GFRA1: variants seen among roughly 807,000 people sequenced by gnomAD.
GFRA1 encodes the protein GDNF family receptor alpha-1.
GFRA1 carries 16 observed loss-of-function variants against 51.6 expected under a neutral mutation model. The observed-to-expected ratio is 0.31, with a 90% CI of 0.21 to 0.47. The LOEUF (loss-of-function observed/expected upper bound fraction) is 0.47. Among genes scored for constraint, GFRA1 ranks in the 20% least tolerant of loss-of-function variants. The pLI is 1.00. For synonymous variants in GFRA1, 270 were observed against 241.3 expected (o/e 1.12, Z -1.10); for missense variants, 530 against 594.3 (o/e 0.89, Z 1.13).
chr10:116,238,874 GC>G (rs2134618670), intron 4 of GFRA1, among the ~76,000 whole-genome samples: 1 of 152,230 alleles, frequency 6.6e-6, no homozygotes, highest in East Asian at 1.9e-4. Flanking sequence ...TGGCTTATTA[GC>G]TATAGGATTA....
chr10:116,155,833 T>C (rs1233252119), intron 5 of GFRA1, among the ~76,000 whole-genome samples: 1 of 152,118 alleles, frequency 6.6e-6, no homozygotes, highest in East Asian at 1.9e-4. Flanking sequence ...GTTTATGGGC[T>C]TGGTAAAAAA....
At chr10:116,260,696 C>T (rs539117507) in intron 4 of GFRA1, among the ~76,000 whole-genome samples, 2 of 152,178 alleles carry the variant, frequency 1.3e-5, no homozygotes, top group South Asian at 2.1e-4. Context: ...ACAATAGCTG[C>T]TTTCACCCCT....
At chr10:116,113,842 G>T (rs2694813) in intron 6 of GFRA1, among the ~76,000 whole-genome samples, 25 of 152,146 alleles carry the variant, frequency 1.6e-4, no homozygotes, top group Admixed American at 3.3e-4. Flanking sequence ...CCACTTCCAA[G>T]GTTGCTGCAA....
upstream of GFRA1, among the ~76,000 whole-genome samples, chr10:116,273,840 A>G (rs1290537984): frequency 6.6e-6 from 1 of 152,086 alleles, no homozygotes; most frequent in Non-Finnish European, 1.5e-5. Context: ...TGCTTTCAAG[A>G]CACACTCAGA....
At chr10:116,091,578 A>G (rs1956336601) in intron 8 of GFRA1, among the ~76,000 whole-genome samples, 2 of 152,220 alleles carry the variant, frequency 1.3e-5, no homozygotes, top group African/African-American at 4.8e-5. Flanking sequence ...TGCATCTGTC[A>G]TGCACATGGC....
chr10:116,130,190 A>G (rs529508527), intron 5 of GFRA1, among the ~76,000 whole-genome samples: 4 of 152,014 alleles, frequency 2.6e-5, no homozygotes, highest in African/African-American at 4.8e-5. Context: ...AAATGGAAAT[A>G]TATACCATGT....
chr10:116,064,292 T>C lies in GFRA1; in HGVS notation c.*106A>G. The C allele has an allele frequency of 1.0e-6, 1 of 970,240 alleles. No homozygotes were observed. Among genetic ancestry groups the C allele is most frequent in the East Asian group, 2.6e-5 (1 of 38,794 alleles). The allele number at this position is 970,240 out of a possible 1,614,324, so 60.1% of individuals were successfully genotyped here. ...AATGTTCCAGTTGAATGGAACTGTT[T>C]CTCAACTGAGCTCCTAAACTGGAAT... On this transcript the variant is annotated 3_prime_UTR_variant, in exon 11 of 11. Transcript: ENST00000355422.
In GFRA1 at chr10:116,254,173, T is replaced by A. The variant is rs193102427; in HGVS notation, c.418+15330A>T. Among the ~76,000 whole-genome samples, 745 of 151,068 alleles carry A rather than the reference T, an allele frequency of 4.9e-3. 4 individuals are homozygous for A. Among genetic ancestry groups the A allele is most frequent in the African/African-American group, 0.017 (706 of 41,144 alleles). ...CCGTCTCTACTAAAAATAAAAAAAA[T>A]TAGCTAGGTGTGGTGGCAGGTGCCT... is the stretch of plus-strand genomic sequence containing the variant. On this transcript the variant is annotated intron_variant, in intron 4 of 10. Transcript: ENST00000355422.
intron 6 of GFRA1, among the ~76,000 whole-genome samples, chr10:116,100,315 A>G (rs1956767719): frequency 6.6e-6 from 1 of 152,230 alleles, no homozygotes; most frequent in Non-Finnish European, 1.5e-5. Context: ...ACTTCCAATC[A>G]AGCCCATTTT....
At chr10:116,259,584 G>A (rs561967700) in intron 4 of GFRA1, among the ~76,000 whole-genome samples, 1 of 152,298 alleles carries the variant, frequency 6.6e-6, no homozygotes, top group Admixed American at 6.5e-5. Flanking sequence ...AGGTAGTGGT[G>A]TATATTGCAA....
intron 5 of GFRA1, among the ~76,000 whole-genome samples, chr10:116,150,853 C>T (rs1023822675): frequency 6.6e-6 from 1 of 152,108 alleles, no homozygotes; most frequent in Non-Finnish European, 1.5e-5. Context: ...CTGAAATAGA[C>T]GATTCAGATG....
intron 5 of GFRA1, among the ~76,000 whole-genome samples, chr10:116,140,106 G>C (rs1958500353): frequency 1.3e-5 from 2 of 152,170 alleles, no homozygotes; most frequent in Non-Finnish European, 2.9e-5. Context: ...AGAGAACCTA[G>C]AGAGTCCTAA....
At chr10:116,212,513 T>C (rs1196736187) in intron 4 of GFRA1, among the ~76,000 whole-genome samples, 2 of 131,382 alleles carry the variant, frequency 1.5e-5, no homozygotes, top group Non-Finnish European at 3.2e-5. Context: ...AGAGCAAAAT[T>C]CCGTCTCAAA....
intron 6 of GFRA1, among the ~76,000 whole-genome samples, chr10:116,112,485 A>G (rs1477669364): frequency 6.6e-6 from 1 of 152,240 alleles, no homozygotes; most frequent in Non-Finnish European, 1.5e-5. Context: ...GGCACCAGCC[A>G]GCATTCTAAG....
At chr10:116,274,704 A>G (rs1014036661), upstream of GFRA1, among the ~76,000 whole-genome samples, 3 of 152,122 alleles carry the variant, frequency 2.0e-5, no homozygotes, top group African/African-American at 4.8e-5. Flanking sequence ...CAGGGTAAGT[A>G]TGAGGAGACG....
chr10:116,229,007 A>AAAT (rs869045638), intron 4 of GFRA1, among the ~76,000 whole-genome samples: 1 of 134,852 alleles, frequency 7.4e-6, no homozygotes, highest in Admixed American at 7.3e-5. Context: ...AAAAAAAAAA[A>AAAT]GAAAGGCAGG....
chr10:116,099,157 G>C (rs1285304514), intron 6 of GFRA1, among the ~76,000 whole-genome samples: 1 of 152,212 alleles, frequency 6.6e-6, no homozygotes, highest in African/African-American at 2.4e-5. Context: ...AGTTTATACA[G>C]CGCTATGCTG....
intron 5 of GFRA1, among the ~76,000 whole-genome samples, chr10:116,128,491 C>T (rs1304633560): frequency 2.6e-5 from 4 of 152,118 alleles, no homozygotes; most frequent in East Asian, 1.9e-4. Flanking sequence ...TCTGAGAGGC[C>T]GAGGTGGACC....
intron 5 of GFRA1, among the ~76,000 whole-genome samples, chr10:116,177,127 G>A (rs1003436567): frequency 3.9e-5 from 6 of 152,164 alleles, no homozygotes; most frequent in Non-Finnish European, 8.8e-5. Flanking sequence ...AAGAAAGGTG[G>A]AGGCCTGACT....
Sources: allele counts gnomAD v4.1 joint callset (sites outside exome capture counted in the v4.1 genomes callset), GRCh38; gene constraint gnomAD v4.1.1; transcripts MANE v1.5; gene names NCBI Gene and HGNC (gene_info 2026-07-23, HGNC 2026-07-21).